PTPN4: variants seen among roughly 807,000 people sequenced by gnomAD.
PTPN4 encodes protein tyrosine phosphatase non-receptor type 4, also known as tyrosine-protein phosphatase non-receptor type 4.
A neutral mutation model predicts 135.5 loss-of-function variants in PTPN4; 49 were observed. That is an observed-to-expected ratio of 0.36 (90% CI 0.29 to 0.46). The LOEUF (loss-of-function observed/expected upper bound fraction) is 0.46, where lower values mean the gene tolerates loss of function less well. Ranked by LOEUF, PTPN4 falls within the 20% of genes least tolerant of loss-of-function variation. The pLI is 1.00. For synonymous variants in PTPN4, 333 were observed against 369.9 expected, an observed-to-expected ratio of 0.90 and a Z score of 1.14; for missense variants, 860 against 1,101.0, an observed-to-expected ratio of 0.78 and a Z score of 3.10.
At chr2:119,796,874 G>T (rs1406216274) in intron 1 of PTPN4, among the ~76,000 whole-genome samples, 13 of 151,664 alleles carry the variant, frequency 8.6e-5, no homozygotes, top group African/African-American at 2.9e-4. Context: ...GTGTGTGTGT[G>T]TGTGTGTGTG....
chr2:119,806,626 T>C (rs1691475325), intron 1 of PTPN4, among the ~76,000 whole-genome samples: 1 of 152,160 alleles, frequency 6.6e-6, no homozygotes, highest in Admixed American at 6.5e-5. Context: ...ACAATAATAA[T>C]GGAAGACTTT....
intron 2 of PTPN4, among the ~76,000 whole-genome samples, chr2:119,843,539 G>A (rs1437831293): frequency 8.5e-6 from 1 of 118,194 alleles, no homozygotes; most frequent in Non-Finnish European, 1.8e-5. Flanking sequence ...CCGGGCAGAG[G>A]GGCTCCTCAC....
intron 1 of PTPN4, among the ~76,000 whole-genome samples, chr2:119,783,315 T>G (rs530304277): frequency 6.6e-6 from 1 of 152,316 alleles, no homozygotes; most frequent in South Asian, 2.1e-4. Flanking sequence ...CCTGTTAATG[T>G]CACCAACATA....
intron 1 of PTPN4, among the ~76,000 whole-genome samples, chr2:119,781,064 G>A (rs908033477): frequency 6.6e-6 from 1 of 152,024 alleles, no homozygotes; most frequent in East Asian, 1.9e-4. Flanking sequence ...TGGAACTTAA[G>A]TTGTTTCATA....
chr2:119,870,929 A>T (rs982657798), intron 3 of PTPN4, among the ~76,000 whole-genome samples: 1 of 152,074 alleles, frequency 6.6e-6, no homozygotes, highest in East Asian at 1.9e-4. Flanking sequence ...ACTGCATAAC[A>T]TACAGAGTAT....
In PTPN4 at chr2:119,977,874, C is replaced by T. The variant is rs1679640357; in HGVS notation, c.*804C>T. ...TAACGAAAAGGCACTCATTTGACCC[C>T]ACTAGGAGGTATATATGTATATTGT... is the stretch of plus-strand genomic sequence containing the variant. On this transcript the variant is annotated 3_prime_UTR_variant, in exon 27 of 27. Transcript: ENST00000263708. 6.6e-6 allele frequency: 1 copy of T among 152,138 alleles called. No individual in the cohort carries two copies. Among genetic ancestry groups the T allele is most frequent in the Admixed American group, 6.5e-5 (1 of 15,282 alleles). The allele number at this position is 152,138 out of a possible 1,614,324, so 9.4% of individuals were successfully genotyped here. A position where few individuals can be genotyped will look rare whatever the true frequency, so the allele number is the denominator to read the frequency against.
chr2:119,877,345 C>A lies in PTPN4; in HGVS notation c.269C>A (p.Pro90Gln). 6.2e-7 allele frequency: 1 copy of A among 1,611,194 alleles called. No homozygotes were observed. The highest frequency in any genetic ancestry group is 8.5e-7 in the Non-Finnish European group (1 of 1,179,160). Residue 90 changes from proline to glutamine, a missense_variant, in exon 4 of 27, where the codon CCA becomes CAA. Transcript: ENST00000263708. ...DNPRWLDPNK[P>Q]IRKQLKRGSP... The stretch of plus-strand genomic sequence containing the variant: ...CAGAGGTGGCTGGATCCAAACAAAC[C>A]AATAAGGAAGCAGCTAAAGAGTGAG...
chr2:119,806,706 C>G (rs1243077079), intron 1 of PTPN4, among the ~76,000 whole-genome samples: 1 of 152,160 alleles, frequency 6.6e-6, no homozygotes, highest in Admixed American at 6.5e-5. Flanking sequence ...GGATTGAACT[C>G]AGCGCTGCAC....
At chr2:119,944,475 T>C (rs546095356) in intron 15 of PTPN4, among the ~76,000 whole-genome samples, 72 of 152,326 alleles carry the variant, frequency 4.7e-4, no homozygotes, top group African/African-American at 1.7e-3. Context: ...TCAATTCCTG[T>C]TGCCACAAAT....
chr2:119,835,866 G>A (rs1374459352), intron 2 of PTPN4, among the ~76,000 whole-genome samples: 1 of 151,890 alleles, frequency 6.6e-6, no homozygotes, highest in African/African-American at 2.4e-5. Context: ...TCAAGAGATC[G>A]AAACCATCCT....
chr2:119,822,981 A>G (rs1348576595), intron 2 of PTPN4, among the ~76,000 whole-genome samples: 4 of 152,112 alleles, frequency 2.6e-5, no homozygotes, highest in Admixed American at 1.3e-4. Flanking sequence ...TCTATTTTAC[A>G]TGTGTTTTGG....
At chr2:119,844,822 A>G (rs1229549246) in intron 2 of PTPN4, among the ~76,000 whole-genome samples, 1 of 144,766 alleles carries the variant, frequency 6.9e-6, no homozygotes, top group Non-Finnish European at 1.5e-5. Flanking sequence ...GCGGCCAGGC[A>G]GAGACACTCC....
At chr2:119,811,936 T>G (rs1676886724) in intron 2 of PTPN4, among the ~76,000 whole-genome samples, 1 of 151,944 alleles carries the variant, frequency 6.6e-6, no homozygotes, top group Non-Finnish European at 1.5e-5. Context: ...GCTGGCAGTT[T>G]CAATAGACCT....
intron 10 of PTPN4, among the ~76,000 whole-genome samples, chr2:119,902,130 T>C (rs772089138): frequency 3.0e-4 from 46 of 152,208 alleles, no homozygotes; most frequent in Admixed American, 2.6e-4. Flanking sequence ...ACTTACACAC[T>C]ATCATAGTCA....
chr2:119,854,756 A>G (rs1276808624), intron 2 of PTPN4, among the ~76,000 whole-genome samples: 2 of 152,260 alleles, frequency 1.3e-5, no homozygotes, highest in Non-Finnish European at 2.9e-5. Flanking sequence ...CCAATTCCGT[A>G]AAGATGATTG....
intron 1 of PTPN4, among the ~76,000 whole-genome samples, chr2:119,797,485 T>C (rs543147463): frequency 6.6e-6 from 1 of 152,334 alleles, no homozygotes; most frequent in Admixed American, 6.5e-5. Context: ...GTTCCTGATA[T>C]TAGATGAAAA....
chr2:119,969,416 A>G (rs1455941263), intron 26 of PTPN4, among the ~76,000 whole-genome samples: 1 of 152,134 alleles, frequency 6.6e-6, no homozygotes, highest in Admixed American at 6.5e-5. Context: ...ATAGCTGTTC[A>G]CTTTCCCTGT....
chr2:119,815,320 C>T (rs1388518076), intron 2 of PTPN4, among the ~76,000 whole-genome samples: 1 of 152,098 alleles, frequency 6.6e-6, no homozygotes, highest in Admixed American at 6.6e-5. Flanking sequence ...TGGTGAAGTG[C>T]CTGTTTATGT....
chr2:119,829,337 T>C (rs759831799), intron 2 of PTPN4, among the ~76,000 whole-genome samples: 3 of 152,364 alleles, frequency 2.0e-5, no homozygotes, highest in South Asian at 2.1e-4. Flanking sequence ...AAAATACATA[T>C]AACGAAATTT....
Sources: allele counts gnomAD v4.1 joint callset (sites outside exome capture counted in the v4.1 genomes callset), GRCh38; gene constraint gnomAD v4.1.1; transcripts MANE v1.5; gene names NCBI Gene and HGNC (gene_info 2026-07-23, HGNC 2026-07-21).